Variants in FOXN3 observed in about 807,000 individuals in gnomAD.
The protein encoded by FOXN3 is forkhead box protein N3.
In FOXN3, 7 loss-of-function variants were observed where a neutral mutation model predicts 38.4. The ratio of observed to expected loss-of-function variants is 0.18; its 90% CI spans 0.10 to 0.34. The LOEUF is 0.34. Among genes scored for constraint, FOXN3 ranks in the 10% least tolerant of loss-of-function variants. FOXN3 has a pLI of 1.00. For missense variants in FOXN3, 456 were observed against 613.4 expected, an observed-to-expected ratio of 0.74 and a Z score of 2.71; for synonymous variants, 230 against 242.2, an observed-to-expected ratio of 0.95 and a Z score of 0.47.
intron 1 of FOXN3, among the ~76,000 whole-genome samples, chr14:89,554,536 C>T (rs1476127072): frequency 6.6e-6 from 1 of 152,080 alleles, no homozygotes; most frequent in African/African-American, 2.4e-5. Flanking sequence ...TGTTCTGTTA[C>T]AATTTTTTAA....
chr14:89,503,534 T>A, intron 1 of FOXN3, among the ~76,000 whole-genome samples: 1 of 152,352 alleles, frequency 6.6e-6, no homozygotes, highest in Non-Finnish European at 1.5e-5. Context: ...TACTGGTGCA[T>A]GAATTTGAAT....
At chr14:89,505,785 G>A (rs1893908875) in intron 1 of FOXN3, among the ~76,000 whole-genome samples, 1 of 151,872 alleles carries the variant, frequency 6.6e-6, no homozygotes, top group Non-Finnish European at 1.5e-5. Flanking sequence ...AGTCTGGAAA[G>A]TGAGGAGCGC....
chr14:89,192,566 T>C (rs1431872587), intron 4 of FOXN3, among the ~76,000 whole-genome samples: 2 of 141,670 alleles, frequency 1.4e-5, no homozygotes, highest in South Asian at 4.3e-4. Context: ...TTATACAATA[T>C]ATAACACATA....
chr14:89,502,827 G>A (rs527902192), intron 1 of FOXN3, among the ~76,000 whole-genome samples: 9 of 152,270 alleles, frequency 5.9e-5, no homozygotes, highest in South Asian at 2.1e-4. Flanking sequence ...CACCCGTTAC[G>A]GGGCAGTTTC....
intron 3 of FOXN3, among the ~76,000 whole-genome samples, chr14:89,307,921 GT>G (rs993048489): frequency 2.6e-5 from 4 of 152,168 alleles, no homozygotes; most frequent in Admixed American, 2.0e-4. Context: ...AGATCTTCAA[GT>G]TTTGTCAGTA....
chr14:89,434,658 A>T (rs1335797850), intron 1 of FOXN3, among the ~76,000 whole-genome samples: 1 of 152,126 alleles, frequency 6.6e-6, no homozygotes, highest in Non-Finnish European at 1.5e-5. Context: ...CTGTAGAGGT[A>T]CCCATTTTCA....
chr14:89,201,190 A>G (rs28515723), intron 4 of FOXN3, among the ~76,000 whole-genome samples: 2,993 of 152,256 alleles, frequency 0.02, 102 homozygotes, highest in African/African-American at 0.068. Context: ...CATCTCATCC[A>G]GTTGTGAATC....
chr14:89,385,909 C>T (rs1033273840), intron 2 of FOXN3, among the ~76,000 whole-genome samples: 4 of 152,330 alleles, frequency 2.6e-5, no homozygotes, highest in South Asian at 2.1e-4. Flanking sequence ...GAACTACTTA[C>T]GTAACTGAGG....
chr14:89,238,901 C>T (rs1487521394), intron 4 of FOXN3, among the ~76,000 whole-genome samples: 2 of 152,146 alleles, frequency 1.3e-5, no homozygotes, highest in African/African-American at 2.4e-5. Flanking sequence ...AGAATTCTAG[C>T]TTACCACCCT....
chr14:89,514,271 T>C (rs1235354331), intron 1 of FOXN3, among the ~76,000 whole-genome samples: 1 of 152,202 alleles, frequency 6.6e-6, no homozygotes, highest in African/African-American at 2.4e-5. Context: ...CTTGCCCCAG[T>C]CATGCTTCTG....
At position 89,591,765 on chromosome 14, in the gene FOXN3, A is replaced by C. The variant is rs12589977; in HGVS notation, c.-15+27263T>G. 3.5e-4 allele frequency among the ~76,000 whole-genome samples: 53 copies of C among 152,266 alleles called. 1 individual carries two copies. In the East Asian group the frequency reaches 8.1e-3, roughly 23 times the overall value. ...CATACGGAGACACCATCTCTACAAA[A>C]AATTTTAAAATGAACCAGGAGTGGT... On this transcript the variant is annotated intron_variant, in intron 1 of 6. Transcript: ENST00000345097.
chr14:89,313,105 A>C (rs1887610186), intron 3 of FOXN3, among the ~76,000 whole-genome samples: 1 of 152,224 alleles, frequency 6.6e-6, no homozygotes, highest in Non-Finnish European at 1.5e-5. Flanking sequence ...CCCAACTGTT[A>C]GGATTTTTAT....
At chr14:89,447,648 CCGGCAGGCT>C (rs1256171408) in intron 1 of FOXN3, among the ~76,000 whole-genome samples, 2 of 152,106 alleles carry the variant, frequency 1.3e-5, no homozygotes, top group Non-Finnish European at 2.9e-5. Flanking sequence ...GCCTAGGAGA[CCGGCAGGCT>C]CCCAAGGGCC....
At chr14:89,572,691 G>A (rs1161964898) in intron 1 of FOXN3, among the ~76,000 whole-genome samples, 1 of 152,238 alleles carries the variant, frequency 6.6e-6, no homozygotes, top group Non-Finnish European at 1.5e-5. Flanking sequence ...GCAGAGTGCT[G>A]GTTAAACATG....
At chr14:89,590,137 C>A (rs1007476446) in intron 1 of FOXN3, among the ~76,000 whole-genome samples, 5 of 149,318 alleles carry the variant, frequency 3.3e-5, no homozygotes, top group African/African-American at 1.3e-4. Flanking sequence ...CAATAGAGAA[C>A]ATTTTTTTTT....
chr14:89,313,987 G>A (rs1887650654), intron 3 of FOXN3, among the ~76,000 whole-genome samples: 1 of 152,052 alleles, frequency 6.6e-6, no homozygotes, highest in South Asian at 2.1e-4. Flanking sequence ...TGGAGAGAGG[G>A]GGAAAGGGGG....
At chr14:89,329,855 CAAAAAAAAAAAAAAAAAAAAAAAA>C (rs57791098) in intron 3 of FOXN3, among the ~76,000 whole-genome samples, 103 of 59,874 alleles carry the variant, frequency 1.7e-3, no homozygotes, top group African/African-American at 5.9e-3. Context: ...GACTCAGTCT[CAAAAAAAAAAAAAAAAAAAAAAAA>C]AAAAAAAAGA....
intron 1 of FOXN3, among the ~76,000 whole-genome samples, chr14:89,490,563 C>T (rs116097244): frequency 2.5e-3 from 378 of 152,296 alleles, no homozygotes; most frequent in African/African-American, 8.6e-3. Context: ...ATTCTCTCCT[C>T]TATAAAATGA....
intron 2 of FOXN3, among the ~76,000 whole-genome samples, chr14:89,377,323 A>ATAAATAAATAAAT (rs1241445939): frequency 6.6e-6 from 1 of 150,788 alleles, no homozygotes; most frequent in African/African-American, 2.5e-5. Context: ...AAATAAATAA[A>ATAAATAAATAAAT]TAAATAAATA....
Sources: gnomAD v4.1 joint callset for allele counts (sites outside exome capture counted in the v4.1 genomes callset) on GRCh38, gnomAD v4.1.1 for gene constraint, MANE v1.5 for transcripts, NCBI Gene and HGNC (gene_info 2026-07-23, HGNC 2026-07-21) for gene names.